TLE3: variants seen among roughly 807,000 people sequenced by gnomAD.
TLE3 encodes the protein TLE family member 3, transcriptional corepressor.
TLE3 carries 14 observed loss-of-function variants against 93.0 expected under a neutral mutation model. The ratio of observed to expected loss-of-function variants is 0.15; its 90% CI spans 0.10 to 0.24. The LOEUF is 0.24. Ranked by LOEUF, TLE3 falls within the 10% of genes least tolerant of loss-of-function variation. The pLI is 1.00. For synonymous variants in TLE3, 451 were observed against 425.0 expected, an observed-to-expected ratio of 1.06 and a Z score of -0.75; for missense variants, 693 against 1,046.6, an observed-to-expected ratio of 0.66 and a Z score of 4.66.
At chr15:70,074,404 A>C in intron 6 of TLE3, 129 bp downstream of exon 6, 1 of 1,186,428 alleles carries the variant, frequency 8.4e-7, no homozygotes. Context: ...GGGTGCTTGT[A>C]GAAGCCGGAG....
intron 4 of TLE3, among the ~76,000 whole-genome samples, chr15:70,081,631 T>C (rs915009901): frequency 6.6e-6 from 1 of 152,240 alleles, no homozygotes; most frequent in African/African-American, 2.4e-5. Context: ...CAGCGGGAAG[T>C]AATTCCACGT....
At chr15:70,078,985 C>A (rs1437805579) in intron 4 of TLE3, among the ~76,000 whole-genome samples, 1 of 152,146 alleles carries the variant, frequency 6.6e-6, no homozygotes, top group Non-Finnish European at 1.5e-5. Flanking sequence ...CTTCAGCAAA[C>A]ACGTGGCCAA....
intron 1 of TLE3, 88 bp downstream of exon 1, chr15:70,096,687 G>A: frequency 1.9e-6 from 3 of 1,571,992 alleles, no homozygotes; most frequent in Non-Finnish European, 2.6e-6. Context: ...CATAAAGGTA[G>A]CAACAAGCAA....
chr15:70,058,902 A>G lies in TLE3; in HGVS notation c.766-87T>C. On this transcript the variant is annotated intron_variant, in intron 10 of 19. Coordinates refer to ENST00000451782, the MANE Select transcript of TLE3 (RefSeq NM_001105192.3). This position sits in a 1 kb window ranked among gnomAD's most constrained non-coding sequence, Gnocchi z 4.1. ...CTCTGGGAGTGGGAAGAGAGAGGGCATGGGCGATGGGAAGACGAGCTTGGC... is the reference window on the plus strand; with the variant it reads ...CTCTGGGAGTGGGAAGAGAGAGGGCGTGGGCGATGGGAAGACGAGCTTGGC... The G allele has an allele frequency of 7.0e-7, 1 of 1,436,498 alleles. No homozygotes were observed. The highest frequency in any genetic ancestry group is 9.1e-7 in the Non-Finnish European group (1 of 1,094,844). The allele number at this position is 1,436,498 out of a possible 1,614,324, so 89.0% of individuals were successfully genotyped here. A position where few individuals can be genotyped will look rare whatever the true frequency, so the allele number is the denominator to read the frequency against.
chr15:70,057,834 T>C, intron 12 of TLE3, 176 bp from the exon 13 acceptor site: 1 of 822,472 alleles, frequency 1.2e-6, no homozygotes, highest in Non-Finnish European at 1.9e-6. Context: ...GCTTAGAGCT[T>C]GGCAGATGCA....
At chr15:70,096,309 C>T (rs748253355) in intron 1 of TLE3, 48 bp from the exon 2 acceptor site, 2 of 1,548,604 alleles carry the variant, frequency 1.3e-6, no homozygotes, top group South Asian at 1.2e-5. Flanking sequence ...GGCATGAGAC[C>T]GCGCTCAGAG....
In TLE3 at chr15:70,048,078, A is replaced by C. The variant is rs1367967874; in HGVS notation, c.*2019T>G. On this transcript the variant is annotated 3_prime_UTR_variant, in exon 20 of 20. Transcript: ENST00000451782. ...TGTGAGATGAGAAGAGCTCACATCGATGGGAAATGGCCCTGGCCCAGGCTC... is the reference window on the plus strand; with the variant it reads ...TGTGAGATGAGAAGAGCTCACATCGCTGGGAAATGGCCCTGGCCCAGGCTC... The C allele has an allele frequency of 2.1e-5, 3 of 142,672 alleles. No individual in the cohort carries two copies. Among genetic ancestry groups the C allele is most frequent in the African/African-American group, 8.0e-5 (3 of 37,516 alleles). The allele number at this position is 142,672 out of a possible 1,614,324, so 8.8% of individuals were successfully genotyped here.
intron 5 of TLE3, among the ~76,000 whole-genome samples, chr15:70,075,420 G>A (rs982781407): frequency 9.2e-5 from 14 of 152,326 alleles, no homozygotes; most frequent in African/African-American, 3.1e-4. Context: ...TGCAAGCTCC[G>A]AGGGCATTGC....
At chr15:70,060,478 C>A (rs2056397419) in intron 9 of TLE3, 52 bp downstream of exon 9, 2 of 1,608,004 alleles carry the variant, frequency 1.2e-6, no homozygotes, top group Admixed American at 3.3e-5. Context: ...TGCAGACACC[C>A]CCTGCCCTAC....
At chr15:70,082,687 G>A (rs1438219319) in intron 4 of TLE3, among the ~76,000 whole-genome samples, 3 of 152,228 alleles carry the variant, frequency 2.0e-5, no homozygotes, top group East Asian at 1.9e-4. Flanking sequence ...CCCCCTCAGC[G>A]TGACCCTGAG....
chr15:70,095,282 A>G (rs2058497992), intron 3 of TLE3: 4 of 1,309,156 alleles, frequency 3.1e-6, no homozygotes, highest in South Asian at 1.6e-5. Flanking sequence ...GGCAATGGCA[A>G]TCAGCCCCTG....
At chr15:70,080,230 T>C (rs369511452) in intron 4 of TLE3, among the ~76,000 whole-genome samples, 3 of 152,086 alleles carry the variant, frequency 2.0e-5, no homozygotes, top group African/African-American at 4.8e-5. Context: ...CTTCCCTCCA[T>C]CTCGGTCCCA....
At chr15:70,084,695 C>G (rs181723979) in intron 4 of TLE3, among the ~76,000 whole-genome samples, 2 of 152,188 alleles carry the variant, frequency 1.3e-5, no homozygotes, top group South Asian at 2.1e-4. Context: ...CCTCTTTAAC[C>G]GTCAGTGCTG....
In TLE3 at chr15:70,054,579, G is replaced by T; in HGVS notation, c.1685C>A (p.Thr562Lys). 6.2e-7 allele frequency: 1 copy of T among 1,613,744 alleles called. No homozygotes were observed. Among genetic ancestry groups the T allele is most frequent in the Non-Finnish European group, 8.5e-7 (1 of 1,179,790 alleles). Reference protein sequence around the residue: ...TLTIWDLASPTPRIKAELTSS... With the variant: ...TLTIWDLASPKPRIKAELTSS... The stretch of plus-strand genomic sequence containing the variant: ...CGTCAGCTCGGCCTTGATGCGGGGC[G>T]TGGGCGAGGCCAGGTCCCAGATGGT... Residue 562 changes from threonine to lysine, a missense_variant, in exon 16 of 20, where the codon ACG (threonine) becomes AAG (lysine). Thr to Lys is a moderately conservative substitution (Grantham distance 78). Coordinates refer to ENST00000451782, the MANE Select transcript of TLE3 (RefSeq NM_001105192.3).
chr15:70,079,531 T>C (rs2057651424), intron 4 of TLE3: 1 of 415,792 alleles, frequency 2.4e-6, no homozygotes, highest in South Asian at 1.7e-5. Flanking sequence ...TAGTACCCTC[T>C]TGGGGTCTCC....
intron 7 of TLE3, 26 bp downstream of exon 7, chr15:70,065,988 C>CCCCCCA: frequency 6.4e-7 from 1 of 1,573,138 alleles, no homozygotes; most frequent in Non-Finnish European, 8.7e-7. Flanking sequence ...TGCCCCGCCC[C>CCCCCCA]ACCCTCTGCC....
In TLE3 at chr15:70,097,899, G is replaced by C. The variant is rs1185526783; in HGVS notation, c.-1101C>G. The C allele has an allele frequency of 2.2e-5, 6 of 276,660 alleles. No individual in the cohort carries two copies. The highest frequency in any genetic ancestry group is 4.0e-5 in the Non-Finnish European group (6 of 148,670). The allele number at this position is 276,660 out of a possible 1,614,324, so 17.1% of individuals were successfully genotyped here. On this transcript the variant is annotated 5_prime_UTR_variant, in exon 1 of 20. Coordinates refer to ENST00000451782, the MANE Select transcript of TLE3 (RefSeq NM_001105192.3). ...GCACGAGGTCTGAACTGCCGCGAGAGCAGTTCCAAATAGGGACTGAAAAGT... is the reference window on the plus strand; with the variant it reads ...GCACGAGGTCTGAACTGCCGCGAGACCAGTTCCAAATAGGGACTGAAAAGT...
intron 4 of TLE3, among the ~76,000 whole-genome samples, chr15:70,084,016 T>TA (rs1408668582): frequency 6.6e-6 from 1 of 152,232 alleles, no homozygotes; most frequent in Non-Finnish European, 1.5e-5. Context: ...TCTTAGGCTA[T>TA]AAAAATCAAG....
At chr15:70,096,003 A>G (rs1567065168) in intron 2 of TLE3, 158 bp downstream of exon 2, 7 of 913,882 alleles carry the variant, frequency 7.7e-6, no homozygotes, top group African/African-American at 6.7e-5. Context: ...TAAAGGGTTA[A>G]GGCGGCGCGC....
Sources: gnomAD v4.1 joint callset for allele counts (sites outside exome capture counted in the v4.1 genomes callset) on GRCh38, gnomAD v4.1.1 for gene constraint, Gnocchi (gnomAD v3.1) non-coding constraint, MANE v1.5 for transcripts, NCBI Gene and HGNC (gene_info 2026-07-23, HGNC 2026-07-21) for gene names.